The following NTM variants were observed in gnomAD, a reference collection of about 807,000 sequenced individuals.
NTM encodes the protein IgLON family member 2.
Under a neutral mutation model 42.1 loss-of-function variants are expected in NTM, and 13 were observed. The ratio of observed to expected loss-of-function variants is 0.31; its 90% CI spans 0.20 to 0.49. The LOEUF (loss-of-function observed/expected upper bound fraction) is 0.49. NTM is among the 20% of genes least tolerant of loss of function. The pLI is 0.99. For synonymous variants in NTM, 187 were observed against 179.2 expected, an observed-to-expected ratio of 1.04 and a Z score of -0.35; for missense variants, 373 against 452.8, an observed-to-expected ratio of 0.82 and a Z score of 1.60.
At chr11:132,306,645 A>G (rs576377298) in intron 4 of NTM, among the ~76,000 whole-genome samples, 1 of 152,314 alleles carries the variant, frequency 6.6e-6, no homozygotes, top group East Asian at 1.9e-4. Context: ...GGACAGCCTT[A>G]TGCCTGTTGT....
chr11:131,658,344 G>C (rs2067472059), intron 1 of NTM, among the ~76,000 whole-genome samples: 1 of 152,164 alleles, frequency 6.6e-6, no homozygotes, highest in Non-Finnish European at 1.5e-5. Context: ...TTTTGGAGCA[G>C]TTTTAGGTTC....
At chr11:131,473,064 AT>A (rs1461753140) in intron 1 of NTM, among the ~76,000 whole-genome samples, 1 of 152,174 alleles carries the variant, frequency 6.6e-6, no homozygotes, top group African/African-American at 2.4e-5. Context: ...GGTGGTTACT[AT>A]TTTCTAGGCT....
At chr11:131,591,367 C>T (rs548932246) in intron 1 of NTM, among the ~76,000 whole-genome samples, 1 of 152,308 alleles carries the variant, frequency 6.6e-6, no homozygotes, top group Non-Finnish European at 1.5e-5. Flanking sequence ...TGGGGAGGGA[C>T]GAAGCCTCCC....
intron 1 of NTM, among the ~76,000 whole-genome samples, chr11:131,437,366 C>T (rs1261575229): frequency 6.6e-6 from 1 of 152,098 alleles, no homozygotes; most frequent in Non-Finnish European, 1.5e-5. Flanking sequence ...GTCGGTCTGT[C>T]TAATATTGAG....
intron 1 of NTM, among the ~76,000 whole-genome samples, chr11:131,503,671 C>T (rs540144997): frequency 6.8e-6 from 1 of 146,566 alleles, no homozygotes; most frequent in African/African-American, 2.5e-5. Flanking sequence ...CACAGGCACA[C>T]TCCACTATGC....
Position 131,693,627 on chromosome 11 carries a change from T to C in NTM, c.83-217937T>C, listed in dbSNP as rs367637240. On this transcript the variant is annotated intron_variant, in intron 1 of 8. Coordinates refer to ENST00000683400, the MANE Select transcript of NTM (RefSeq NM_001352005.2). Reference sequence around the variant, plus strand: ...CCCATCTGTTGCTGAGCACCGTTTATTTCACCTTCACTTAATTCACTTGGT... The same window carrying C: ...CCCATCTGTTGCTGAGCACCGTTTACTTCACCTTCACTTAATTCACTTGGT... Among the ~76,000 whole-genome samples, 20 of 152,184 alleles carry C rather than the reference T, an allele frequency of 1.3e-4. No homozygotes were observed. In the East Asian group the frequency reaches 1.4e-3, roughly 10 times the overall value.
chr11:131,753,514 T>G (rs896459171), intron 1 of NTM, among the ~76,000 whole-genome samples: 1 of 151,746 alleles, frequency 6.6e-6, no homozygotes, highest in African/African-American at 2.4e-5. Flanking sequence ...AATGATAGAC[T>G]GGATTAAGAA....
chr11:132,012,759 GAAGGTGCTGT>G (rs2072505090), intron 2 of NTM, among the ~76,000 whole-genome samples: 1 of 152,192 alleles, frequency 6.6e-6, no homozygotes, highest in African/African-American at 2.4e-5. Context: ...ACACAGTAGT[GAAGGTGCTGT>G]AGCCCATCAC....
intron 1 of NTM, among the ~76,000 whole-genome samples, chr11:131,694,118 G>C (rs147107777): frequency 2.1e-3 from 315 of 152,312 alleles, no homozygotes; most frequent in African/African-American, 7.0e-3. Context: ...TGCTGTGAAG[G>C]CTCAATGAGA....
intron 1 of NTM, among the ~76,000 whole-genome samples, chr11:131,411,354 C>T (rs542290973): frequency 6.6e-6 from 1 of 152,214 alleles, no homozygotes; most frequent in Non-Finnish European, 1.5e-5. Context: ...TCCTAGTTGG[C>T]ACTGAGCACA....
chr11:131,740,727 C>T (rs949338538), intron 1 of NTM, among the ~76,000 whole-genome samples: 6 of 152,090 alleles, frequency 3.9e-5, no homozygotes, highest in African/African-American at 9.7e-5. Context: ...CAGTCAATTT[C>T]GAGTCAGTGG....
intron 2 of NTM, among the ~76,000 whole-genome samples, chr11:131,923,425 T>C (rs1456068314): frequency 6.6e-6 from 1 of 152,208 alleles, no homozygotes; most frequent in Non-Finnish European, 1.5e-5. Context: ...GGTCTGTCTC[T>C]GTATTGGCAT....
intron 1 of NTM, among the ~76,000 whole-genome samples, chr11:131,444,203 C>CAAAAAAAAAAAAA (rs71475757): frequency 8.1e-5 from 4 of 49,504 alleles, no homozygotes; most frequent in African/African-American, 2.3e-4. Context: ...AGGTTAGAAC[C>CAAAAAAAAAAAAA]AAAAAAAAAA....
At chr11:131,787,413 CT>C (rs1235802658) in intron 1 of NTM, among the ~76,000 whole-genome samples, 4 of 139,270 alleles carry the variant, frequency 2.9e-5, no homozygotes, top group Non-Finnish European at 4.8e-5. Context: ...CAGAGTCTCT[CT>C]CTGGCGCCAG....
chr11:131,607,476 A>G (rs1402748544), intron 1 of NTM, among the ~76,000 whole-genome samples: 2 of 152,210 alleles, frequency 1.3e-5, no homozygotes, highest in Non-Finnish European at 2.9e-5. Flanking sequence ...ACCTGGGCCA[A>G]TTAATCCCAA....
At chr11:131,486,338 C>T (rs769492182) in intron 1 of NTM, among the ~76,000 whole-genome samples, 3 of 152,278 alleles carry the variant, frequency 2.0e-5, no homozygotes, top group Middle Eastern at 3.4e-3. Flanking sequence ...GAGTCATCTA[C>T]GGCATGCAGG....
At chr11:132,081,325 A>G (rs182002952) in intron 2 of NTM, among the ~76,000 whole-genome samples, 3 of 152,306 alleles carry the variant, frequency 2.0e-5, no homozygotes, top group Admixed American at 1.3e-4. Flanking sequence ...TTTTCCTTTA[A>G]TTCCCTAATA....
chr11:131,898,970 A>G (rs779127419), intron 1 of NTM, among the ~76,000 whole-genome samples: 25 of 152,170 alleles, frequency 1.6e-4, no homozygotes, highest in Non-Finnish European at 3.4e-4. Context: ...AAAATGAAAA[A>G]TTCTATGGAA....
chr11:132,163,810 G>A (rs1450425606), intron 3 of NTM, among the ~76,000 whole-genome samples: 1 of 152,168 alleles, frequency 6.6e-6, no homozygotes, highest in Non-Finnish European at 1.5e-5. Context: ...AGATACTTGG[G>A]GTATTGTTAG....
Sources: gnomAD v4.1 joint callset for allele counts (sites outside exome capture counted in the v4.1 genomes callset) on GRCh38, gnomAD v4.1.1 for gene constraint, MANE v1.5 for transcripts, NCBI Gene and HGNC (gene_info 2026-07-23, HGNC 2026-07-21) for gene names.